KNTC1: variants seen among roughly 807,000 people sequenced by gnomAD.
The protein encoded by KNTC1 is kinetochore associated 1.
KNTC1 carries 253 observed loss-of-function variants against 314.4 expected under a neutral mutation model. The observed-to-expected ratio is 0.80, with a 90% CI of 0.73 to 0.89. The LOEUF (loss-of-function observed/expected upper bound fraction) is 0.89. Among genes scored for constraint, KNTC1 ranks in the 40% least tolerant of loss-of-function variants. The pLI is 0.00. For missense variants in KNTC1, 2,475 were observed against 2,572.9 expected, an observed-to-expected ratio of 0.96 and a Z score of 0.82; for synonymous variants, 901 against 901.4, an observed-to-expected ratio of 1.00 and a Z score of 0.01.
Position 122,565,446 on chromosome 12 carries a change from T to G in KNTC1, c.1604+2747T>G, listed in dbSNP as rs371181870. On this transcript the variant is annotated intron_variant, in intron 20 of 63. Coordinates refer to ENST00000333479, the MANE Select transcript of KNTC1 (RefSeq NM_014708.6). ...GAGTTGTTCTTTTCAAAATTGACTT[T>G]AAAGTTCTTTGTGGGTATTTCAAAT... 3.3e-5 allele frequency among the ~76,000 whole-genome samples: 5 copies of G among 152,050 alleles called. No individual in the cohort carries two copies. The East Asian group carries it at 7.7e-4, about 23-fold the overall frequency.
intron 16 of KNTC1, among the ~76,000 whole-genome samples, chr12:122,556,948 G>T (rs1249268254): frequency 1.5e-5 from 2 of 132,070 alleles, no homozygotes; most frequent in Non-Finnish European, 1.6e-5. Flanking sequence ...TTTAAATAGG[G>T]TCTTACCATG....
At chr12:122,596,627 G>A (rs1210668259) in intron 43 of KNTC1, among the ~76,000 whole-genome samples, 1 of 152,036 alleles carries the variant, frequency 6.6e-6, no homozygotes, top group African/African-American at 2.4e-5. Context: ...GATCGCTTGA[G>A]GCCAGGAGTT....
chr12:122,552,217 G>C (rs1281034523), intron 16 of KNTC1, among the ~76,000 whole-genome samples: 1 of 152,014 alleles, frequency 6.6e-6, no homozygotes, highest in East Asian at 1.9e-4. Flanking sequence ...CCTCAGGTCA[G>C]GTCTTGAAGG....
chr12:122,608,246 A>G (rs543736729), intron 51 of KNTC1, among the ~76,000 whole-genome samples: 4 of 152,144 alleles, frequency 2.6e-5, no homozygotes, highest in African/African-American at 7.2e-5. Context: ...AGTAGCTGGG[A>G]CTGCAGGTGT....
Position 122,602,660 on chromosome 12 carries a change from C to A in KNTC1, c.4745C>A (p.Thr1582Asn), listed in dbSNP as rs769398897. The A allele has an allele frequency of 6.2e-7, 1 of 1,613,358 alleles. No homozygotes were observed. Among genetic ancestry groups the A allele is most frequent in the Admixed American group, 1.7e-5 (1 of 60,018 alleles). The change falls in exon 46 of 64, where the codon ACT (threonine) becomes AAT (asparagine). Residue 1582 changes from threonine (T) to asparagine (N), a missense_variant. By Grantham distance (65) the Thr-to-Asn change is moderately conservative. Coordinates refer to ENST00000333479, the MANE Select transcript of KNTC1 (RefSeq NM_014708.6). ...EYQYMLEHVI[T>N]LPSAAQTRLP... ...CAGTATATGTTGGAACATGTCATAA[C>A]TTTGCCATCAGCTGCCCAAACTAGA...
intron 41 of KNTC1, 140 bp from the exon 42 acceptor site, chr12:122,591,197 C>T (rs1023211945): frequency 1.4e-5 from 9 of 622,104 alleles, no homozygotes; most frequent in East Asian, 2.8e-5. Context: ...TAAGAAGTAA[C>T]GACTGTGTAC....
intron 3 of KNTC1, among the ~76,000 whole-genome samples, chr12:122,536,521 C>CTT (rs77728043): frequency 1.4e-5 from 2 of 140,452 alleles, no homozygotes; most frequent in African/African-American, 5.2e-5. Context: ...CGTGCCAGGC[C>CTT]TTTTTTTTTT....
intron 53 of KNTC1, chr12:122,611,248 C>T (rs1257300029): frequency 8.8e-6 from 2 of 227,264 alleles, no homozygotes; most frequent in Admixed American, 5.5e-5. Flanking sequence ...AATCTGGCTG[C>T]ATGCTCTGGT....
chr12:122,621,325 A>G (rs929250523), intron 60 of KNTC1, among the ~76,000 whole-genome samples: 1 of 152,188 alleles, frequency 6.6e-6, no homozygotes, highest in Non-Finnish European at 1.5e-5. Flanking sequence ...ACATAAATGA[A>G]CATACATGCA....
chr12:122,590,636 C>T lies in KNTC1; in HGVS notation c.4029C>T (p.Asp1343=). The change falls in exon 41 of 64, where the codon GAC becomes GAT. Residue 1343 remains aspartate, a synonymous_variant. Transcript: ENST00000333479. ...KVFNCRLVDL[D]LALGYCTLLP... is the part of the protein sequence containing the mutation. ...TTAATTGTCGCTTGGTAGATCTTGA[C>T]CTGGCGTTGGGTTACTGCACTCTCT... 2 of 1,612,844 alleles carry T rather than the reference C, an allele frequency of 1.2e-6. No homozygotes were observed. The highest frequency in any genetic ancestry group is 3.3e-4 in the Middle Eastern group (2 of 6,060).
chr12:122,567,349 C>T (rs1157663145), intron 20 of KNTC1, among the ~76,000 whole-genome samples: 1 of 152,046 alleles, frequency 6.6e-6, no homozygotes, highest in Non-Finnish European at 1.5e-5. Flanking sequence ...GGATTACAGG[C>T]GTGAGCCACC....
At chr12:122,555,659 C>G (rs191153013) in intron 16 of KNTC1, among the ~76,000 whole-genome samples, 19 of 152,230 alleles carry the variant, frequency 1.2e-4, no homozygotes, top group Non-Finnish European at 2.6e-4. Flanking sequence ...ACCATCCTGG[C>G]TAACACGATG....
At chr12:122,578,123 T>A (rs1965152554) in intron 31 of KNTC1, among the ~76,000 whole-genome samples, 2 of 152,226 alleles carry the variant, frequency 1.3e-5, no homozygotes, top group Non-Finnish European at 2.9e-5. Context: ...CAAATAGTAA[T>A]GTCAGCTACA....
intron 26 of KNTC1, 85 bp downstream of exon 26, chr12:122,573,370 C>A: frequency 8.2e-7 from 1 of 1,222,800 alleles, no homozygotes; most frequent in Non-Finnish European, 1.2e-6. Flanking sequence ...TAAGGAATGT[C>A]ATATGCTTTC....
intron 5 of KNTC1, among the ~76,000 whole-genome samples, chr12:122,540,976 G>A (rs1204655661): frequency 6.6e-6 from 1 of 151,988 alleles, no homozygotes; most frequent in Non-Finnish European, 1.5e-5. Context: ...CTCGAAACCA[G>A]CCTGGATAAT....
chr12:122,604,665 T>C, intron 49 of KNTC1, 28 bp downstream of exon 49: 1 of 1,455,932 alleles, frequency 6.9e-7, no homozygotes, highest in Non-Finnish European at 9.6e-7. Context: ...GATTGGCGGC[T>C]TCTCTTCTTC....
At chr12:122,584,065 A>C (rs1286575010) in intron 34 of KNTC1, among the ~76,000 whole-genome samples, 2 of 152,072 alleles carry the variant, frequency 1.3e-5, no homozygotes, top group African/African-American at 2.4e-5. Context: ...TTGAGGCTGC[A>C]GTGAGCCATG....
At position 122,613,667 on chromosome 12, in the gene KNTC1, CTT is replaced by C. The variant is rs1218982119; in HGVS notation, c.5785_5786del (p.Leu1929GlufsTer7). 1 of 1,611,826 alleles carries C rather than the reference CTT, an allele frequency of 6.2e-7. No individual in the cohort carries two copies. Among genetic ancestry groups the C allele is most frequent in the South Asian group, 1.1e-5 (1 of 90,702 alleles). Reference sequence around the variant, plus strand: ...ATAACTTTTCTGGCATCATTTGAGACTTTGAATATCCCCATCACATATGAATT... The same window carrying C: ...ATAACTTTTCTGGCATCATTTGAGACTGAATATCCCCATCACATATGAATT... On this transcript the variant is annotated frameshift_variant, in exon 55 of 64. Coordinates refer to ENST00000333479, the MANE Select transcript of KNTC1 (RefSeq NM_014708.6). LOFTEE classifies it high-confidence loss of function.
intron 5 of KNTC1, among the ~76,000 whole-genome samples, chr12:122,541,002 C>T (rs943179786): frequency 3.3e-5 from 5 of 151,986 alleles, no homozygotes; most frequent in African/African-American, 1.2e-4. Flanking sequence ...GAGACCGCCA[C>T]CTCTACAAAA....
Sources: gnomAD v4.1 joint callset for allele counts (sites outside exome capture counted in the v4.1 genomes callset) on GRCh38, gnomAD v4.1.1 for gene constraint, MANE v1.5 for transcripts, NCBI Gene and HGNC (gene_info 2026-07-23, HGNC 2026-07-21) for gene names.